Variants in CNBD1 observed in about 807,000 individuals in gnomAD.
CNBD1 encodes cyclic nucleotide binding domain containing 1, also known as cyclic nucleotide-binding domain-containing protein 1.
A neutral mutation model predicts 54.4 loss-of-function variants in CNBD1; 71 were observed. The observed-to-expected ratio is 1.30, with a 90% CI of 1.08 to 1.59. CNBD1 has a LOEUF of 1.59. Ranked by LOEUF, CNBD1 falls within the 40% of genes most tolerant of loss-of-function variation. CNBD1 has a pLI of 0.00. For missense variants in CNBD1, 659 were observed against 518.0 expected (o/e 1.27, Z -2.64); for synonymous variants, 182 against 170.7 (o/e 1.07, Z -0.51).
At chr8:86,947,434 A>T (rs2130440033) in intron 4 of CNBD1, among the ~76,000 whole-genome samples, 1 of 152,210 alleles carries the variant, frequency 6.6e-6, no homozygotes, top group East Asian at 1.9e-4. Flanking sequence ...TTGTACAGCA[A>T]GGTCCATCAG....
intron 4 of CNBD1, among the ~76,000 whole-genome samples, chr8:86,993,215 C>T (rs1808792256): frequency 6.6e-6 from 1 of 151,414 alleles, no homozygotes; most frequent in Non-Finnish European, 1.5e-5. Flanking sequence ...TCTTCAAGCT[C>T]TCAGATTTTT....
downstream of CNBD1, among the ~76,000 whole-genome samples, chr8:87,385,514 T>G (rs1811164703): frequency 6.6e-6 from 1 of 152,048 alleles, no homozygotes; most frequent in Non-Finnish European, 1.5e-5. Context: ...GGATCCTTGC[T>G]CATTGCTAGC....
chr8:86,875,531 T>A (rs986039032), intron 1 of CNBD1, among the ~76,000 whole-genome samples: 1 of 152,248 alleles, frequency 6.6e-6, no homozygotes, highest in African/African-American at 2.4e-5. Context: ...TAAATCTATA[T>A]AATTACAATA....
intron 4 of CNBD1, among the ~76,000 whole-genome samples, chr8:86,989,821 G>T (rs1808702221): frequency 1.3e-5 from 2 of 152,084 alleles, no homozygotes; most frequent in South Asian, 4.1e-4. Context: ...GTGTACGAGG[G>T]TTCCCTTTTC....
At chr8:87,051,177 A>G (rs1372342658) in intron 4 of CNBD1, among the ~76,000 whole-genome samples, 7 of 152,210 alleles carry the variant, frequency 4.6e-5, no homozygotes, top group Non-Finnish European at 1.0e-4. Flanking sequence ...AGGGTCTGAG[A>G]AAAATTTCAA....
At chr8:87,345,497 T>C (rs1378604154) in intron 8 of CNBD1, among the ~76,000 whole-genome samples, 1 of 152,206 alleles carries the variant, frequency 6.6e-6, no homozygotes, top group Non-Finnish European at 1.5e-5. Context: ...CTAAATGCAA[T>C]TGACTTTGGG....
At position 87,039,803 on chromosome 8, in the gene CNBD1, C is replaced by T. The variant is rs576803514; in HGVS notation, c.431+100049C>T. Among the ~76,000 whole-genome samples, 5 of 152,298 alleles carry T rather than the reference C, an allele frequency of 3.3e-5. No homozygotes were observed. The East Asian group carries it at 9.6e-4, about 29-fold the overall frequency. The stretch of plus-strand genomic sequence containing the variant: ...TGCTGACTGGTTGGGTTGGAAATGA[C>T]TCCCTATGGAGATGGAGTCTCCATA... On this transcript the variant is annotated intron_variant, in intron 4 of 10. Transcript: ENST00000518476.
chr8:87,373,276 T>C (rs1186828308), intron 10 of CNBD1, among the ~76,000 whole-genome samples: 2 of 151,836 alleles, frequency 1.3e-5, no homozygotes, highest in African/African-American at 4.8e-5. Flanking sequence ...CTGATACTTC[T>C]AATATAGCGG....
chr8:87,402,797 A>T (rs1466847737), intron 2 of CNBD1, among the ~76,000 whole-genome samples: 1 of 152,230 alleles, frequency 6.6e-6, no homozygotes, highest in East Asian at 1.9e-4. Flanking sequence ...GTGGAGTAGA[A>T]CAAAATGTGA....
chr8:86,991,001 A>G (rs1287136669), intron 4 of CNBD1, among the ~76,000 whole-genome samples: 1 of 152,140 alleles, frequency 6.6e-6, no homozygotes, highest in African/African-American at 2.4e-5. Context: ...CTGTCATTAT[A>G]TAGAAATACT....
intron 2 of CNBD1, among the ~76,000 whole-genome samples, chr8:87,406,348 A>C (rs1245692863): frequency 6.6e-6 from 1 of 152,010 alleles, no homozygotes; most frequent in East Asian, 1.9e-4. Context: ...GTAAGTTTGC[A>C]TTAACCACAG....
intron 4 of CNBD1, among the ~76,000 whole-genome samples, chr8:87,024,248 G>GAA (rs747783329): frequency 3.2e-4 from 37 of 115,834 alleles, no homozygotes; most frequent in Non-Finnish European, 6.0e-4. Context: ...CAAAAAAAAA[G>GAA]AAAAAAAAAA....
chr8:87,229,217 G>A (rs562080531), intron 5 of CNBD1, among the ~76,000 whole-genome samples: 11 of 152,228 alleles, frequency 7.2e-5, no homozygotes, highest in East Asian at 1.9e-4. Context: ...CTTCTGCATC[G>A]CTCAGGCTGG....
Position 87,286,674 on chromosome 8 carries a change from A to G in CNBD1, c.1042+3A>G, listed in dbSNP as rs553341350. The G allele has an allele frequency of 1.3e-6, 2 of 1,535,518 alleles. No individual in the cohort carries two copies. Among genetic ancestry groups the G allele is most frequent in the South Asian group, 2.4e-5 (2 of 82,264 alleles). ...GAAAAAATTTCCTCCAGGTCATGGT[A>G]AGTTTAATGCAATTTAGATCATTTT... On this transcript the variant is annotated splice_donor_region_variant and intron_variant, in intron 8 of 10. Coordinates refer to ENST00000518476, the MANE Select transcript of CNBD1 (RefSeq NM_173538.3).
intron 4 of CNBD1, among the ~76,000 whole-genome samples, chr8:87,104,226 A>C (rs1395687699): frequency 6.6e-6 from 1 of 151,974 alleles, no homozygotes; most frequent in Non-Finnish European, 1.5e-5. Context: ...CAAGTTTAAA[A>C]GGCAAGTTTA....
intron 4 of CNBD1, among the ~76,000 whole-genome samples, chr8:87,049,651 C>T (rs1386345937): frequency 6.6e-6 from 1 of 152,180 alleles, no homozygotes; most frequent in African/African-American, 2.4e-5. Flanking sequence ...TGTTCACAAT[C>T]ATGTTCAGGT....
At chr8:87,267,329 A>G (rs998665208) in intron 6 of CNBD1, among the ~76,000 whole-genome samples, 2 of 152,210 alleles carry the variant, frequency 1.3e-5, no homozygotes, top group African/African-American at 4.8e-5. Context: ...AAAAATGTAC[A>G]GTGAATATTA....
intron 3 of CNBD1, among the ~76,000 whole-genome samples, chr8:86,909,160 T>C (rs1809064081): frequency 6.6e-6 from 1 of 152,236 alleles, no homozygotes; most frequent in Non-Finnish European, 1.5e-5. Context: ...GATTGCCATT[T>C]TGAGCCATCT....
chr8:87,176,290 TC>T (rs957698687), intron 4 of CNBD1, among the ~76,000 whole-genome samples: 1 of 152,068 alleles, frequency 6.6e-6, no homozygotes, highest in Admixed American at 6.6e-5. Flanking sequence ...CATCTTGCTC[TC>T]CCCCCTCTGT....
Sources: allele counts gnomAD v4.1 joint callset (sites outside exome capture counted in the v4.1 genomes callset), GRCh38; gene constraint gnomAD v4.1.1; transcripts MANE v1.5; gene names NCBI Gene and HGNC (gene_info 2026-07-23, HGNC 2026-07-21).